The following NRG1 variants were observed in gnomAD, a reference collection of about 807,000 sequenced individuals.
NRG1 encodes neuregulin 1.
In NRG1, 18 loss-of-function variants were observed where a neutral mutation model predicts 63.8. The observed-to-expected ratio is 0.28, with a 90% CI of 0.19 to 0.42. The LOEUF is 0.42. NRG1 is among the 10% of genes least tolerant of loss of function. The probability of loss-of-function intolerance (pLI) is 1.00; values close to 1 mark genes in which losing one functional copy is unlikely to be tolerated. For synonymous variants in NRG1, 302 were observed against 301.3 expected (o/e 1.00, Z -0.02); for missense variants, 762 against 814.7 (o/e 0.94, Z 0.79).
intron 1 of NRG1, among the ~76,000 whole-genome samples, chr8:32,507,274 G>A (rs1828649580): frequency 6.6e-6 from 1 of 152,124 alleles, no homozygotes; most frequent in Non-Finnish European, 1.5e-5. Context: ...TTAGTGATAG[G>A]GTACTTGTAA....
chr8:32,104,170 A>G (rs2131382735), intron 1 of NRG1, among the ~76,000 whole-genome samples: 1 of 152,290 alleles, frequency 6.6e-6, no homozygotes, highest in Non-Finnish European at 1.5e-5. Context: ...TACTAGGCTT[A>G]TGTGGTCTAG....
intron 1 of NRG1, among the ~76,000 whole-genome samples, chr8:31,961,610 G>A (rs915498613): frequency 1.3e-4 from 20 of 152,126 alleles, no homozygotes; most frequent in African/African-American, 4.8e-4. Context: ...TACTGATCTT[G>A]TATTTTTAAC....
intron 1 of NRG1, among the ~76,000 whole-genome samples, chr8:32,363,549 A>T (rs1387198561): frequency 1.3e-5 from 2 of 152,168 alleles, no homozygotes; most frequent in East Asian, 3.9e-4. Context: ...CCTCAGTGTT[A>T]ACTTGGCTTT....
chr8:31,841,207 G>T (rs1006694029), intron 1 of NRG1, among the ~76,000 whole-genome samples: 1 of 151,888 alleles, frequency 6.6e-6, no homozygotes, highest in East Asian at 1.9e-4. Flanking sequence ...TTTGAAAGAT[G>T]AGTGGCCTAT....
intron 1 of NRG1, among the ~76,000 whole-genome samples, chr8:31,923,606 A>C (rs181728550): frequency 6.6e-6 from 1 of 152,186 alleles, no homozygotes. Flanking sequence ...GGAAACGTTT[A>C]AAATTACTGG....
chr8:32,422,430 G>C (rs1297141444), intron 1 of NRG1, among the ~76,000 whole-genome samples: 1 of 151,878 alleles, frequency 6.6e-6, no homozygotes, highest in Non-Finnish European at 1.5e-5. Context: ...GTACAGTTTT[G>C]GTTAATCCAT....
chr8:31,967,910 G>C (rs781181694), intron 1 of NRG1, among the ~76,000 whole-genome samples: 5 of 152,162 alleles, frequency 3.3e-5, no homozygotes, highest in Non-Finnish European at 5.9e-5. Flanking sequence ...CCCTCCCAGA[G>C]AACATCTCTA....
chr8:32,084,841 CAACACAGGCT>C (rs1827985387), intron 1 of NRG1, among the ~76,000 whole-genome samples: 1 of 152,074 alleles, frequency 6.6e-6, no homozygotes. Flanking sequence ...AAGTCAAGGT[CAACACAGGCT>C]AATCTTGGCT....
intron 1 of NRG1, among the ~76,000 whole-genome samples, chr8:31,658,893 G>C (rs7011516): frequency 6.6e-6 from 1 of 152,030 alleles, no homozygotes; most frequent in Non-Finnish European, 1.5e-5. Flanking sequence ...CTACTTGATT[G>C]CTGCATTTTT....
At chr8:32,705,386 C>T (rs913941758) in intron 5 of NRG1, among the ~76,000 whole-genome samples, 1 of 152,188 alleles carries the variant, frequency 6.6e-6, no homozygotes, top group Non-Finnish European at 1.5e-5. Context: ...CCGCCTCGGC[C>T]TCCCAAAGTG....
intron 1 of NRG1, among the ~76,000 whole-genome samples, chr8:32,307,065 C>T (rs1856269620): frequency 6.6e-6 from 1 of 152,162 alleles, no homozygotes; most frequent in Admixed American, 6.5e-5. Flanking sequence ...GATGGTACTT[C>T]CCAGCGCACA....
chr8:31,839,178 A>C (rs538149201), intron 1 of NRG1, among the ~76,000 whole-genome samples: 14 of 152,268 alleles, frequency 9.2e-5, no homozygotes, highest in Admixed American at 9.2e-4. Flanking sequence ...TAAAAGCCTT[A>C]TTCTTTTAAA....
At chr8:31,947,156 C>T (rs1247803844) in intron 1 of NRG1, among the ~76,000 whole-genome samples, 13 of 151,398 alleles carry the variant, frequency 8.6e-5, no homozygotes, top group African/African-American at 2.7e-4. Flanking sequence ...AAAAATTAGC[C>T]GGGCGCGGTG....
At chr8:32,222,926 T>A (rs886568258) in intron 1 of NRG1, among the ~76,000 whole-genome samples, 5 of 152,186 alleles carry the variant, frequency 3.3e-5, no homozygotes, top group African/African-American at 1.2e-4. Context: ...AAATAAGCAA[T>A]GTTGCCAATC....
chr8:32,413,094 A>ATTTTT (rs1815344077), intron 1 of NRG1, among the ~76,000 whole-genome samples: 1 of 152,196 alleles, frequency 6.6e-6, no homozygotes, highest in Non-Finnish European at 1.5e-5. Context: ...AGCCTGAAAC[A>ATTTTT]TGTGCATATT....
chr8:32,630,031 A>G (rs967294670), intron 5 of NRG1, among the ~76,000 whole-genome samples: 5 of 152,178 alleles, frequency 3.3e-5, no homozygotes, highest in Non-Finnish European at 7.3e-5. Context: ...ACTCAAGACA[A>G]TTCAATATTT....
At chr8:32,563,189 T>C (rs1342960419) in intron 1 of NRG1, among the ~76,000 whole-genome samples, 1 of 152,224 alleles carries the variant, frequency 6.6e-6, no homozygotes, top group African/African-American at 2.4e-5. Flanking sequence ...TGGCCCAAGA[T>C]AATTCTTCTT....
At position 32,270,387 on chromosome 8, in the gene NRG1, T is replaced by C. The variant is rs532793735; in HGVS notation, c.38-325441T>C. Among the ~76,000 whole-genome samples, 150 of 152,350 alleles carry C rather than the reference T, an allele frequency of 9.8e-4. 1 individual carries two copies. Among genetic ancestry groups the C allele is most frequent in the Admixed American group, 3.7e-3 (56 of 15,294 alleles). On this transcript the variant is annotated intron_variant, in intron 1 of 10. Transcript: ENST00000519301. ...TGGCATCACCACAGATTCCTGTTTA[T>C]GTATTTAACTTGTAACTTCTCATTC...
intron 7 of NRG1, among the ~76,000 whole-genome samples, chr8:32,773,957 A>C (rs185136979): frequency 6.5e-4 from 99 of 152,316 alleles, no homozygotes; most frequent in Non-Finnish European, 1.1e-3. Flanking sequence ...GATTATTGAC[A>C]TATTCATGTA....
Sources: gnomAD v4.1 joint callset for allele counts (sites outside exome capture counted in the v4.1 genomes callset) on GRCh38, gnomAD v4.1.1 for gene constraint, MANE v1.5 for transcripts, NCBI Gene and HGNC (gene_info 2026-07-23, HGNC 2026-07-21) for gene names.